CTDSPL2: variants seen among roughly 807,000 people sequenced by gnomAD.
The protein encoded by CTDSPL2 is CTD small phosphatase like 2.
A neutral mutation model predicts 60.0 loss-of-function variants in CTDSPL2; 5 were observed. That is an observed-to-expected ratio of 0.08 (90% CI 0.04 to 0.18). CTDSPL2 has a LOEUF of 0.18. Among genes scored for constraint, CTDSPL2 ranks in the 10% least tolerant of loss-of-function variants. The pLI is 1.00. For missense variants in CTDSPL2, 370 were observed against 548.8 expected, an observed-to-expected ratio of 0.67 and a Z score of 3.26; for synonymous variants, 186 against 189.3, an observed-to-expected ratio of 0.98 and a Z score of 0.14.
At chr15:44,436,374 A>ACTAC (rs2079981863) in intron 1 of CTDSPL2, among the ~76,000 whole-genome samples, 1 of 152,194 alleles carries the variant, frequency 6.6e-6, no homozygotes, top group African/African-American at 2.4e-5. Context: ...TGTTTGTCTT[A>ACTAC]ATGAGGTTGC....
chr15:44,478,157 A>G (rs960133745), intron 2 of CTDSPL2, among the ~76,000 whole-genome samples: 17 of 152,102 alleles, frequency 1.1e-4, no homozygotes, highest in African/African-American at 4.1e-4. Flanking sequence ...CTTGGAAAAG[A>G]TTGGTGGGGC....
intron 1 of CTDSPL2, chr15:44,449,438 T>C (rs560439063): frequency 3.3e-4 from 50 of 152,838 alleles, no homozygotes; most frequent in Admixed American, 2.2e-3. Flanking sequence ...AAGTGATTCT[T>C]GAGCCTCAGC....
chr15:44,434,225 C>A (rs1045623367), intron 1 of CTDSPL2, among the ~76,000 whole-genome samples: 4 of 151,956 alleles, frequency 2.6e-5, no homozygotes, highest in African/African-American at 4.8e-5. Flanking sequence ...CATGGCGAAA[C>A]CCCATCTCTA....
chr15:44,507,364 G>A (rs1387858750), intron 8 of CTDSPL2, among the ~76,000 whole-genome samples: 2 of 152,234 alleles, frequency 1.3e-5, no homozygotes, highest in Non-Finnish European at 2.9e-5. Flanking sequence ...GATTGTAGGC[G>A]TGAGCCACTG....
chr15:44,471,362 A>G (rs115207840), intron 2 of CTDSPL2, among the ~76,000 whole-genome samples: 19 of 152,294 alleles, frequency 1.2e-4, no homozygotes, highest in Non-Finnish European at 2.5e-4. Context: ...CTTTATTGAG[A>G]TATAATTTAT....
rs568380738 is a variant in CTDSPL2 at position 44,524,771 on chromosome 15, C to T, written c.*597C>T. 5.6e-4 allele frequency: 86 copies of T among 152,572 alleles called. No individual in the cohort carries two copies. The highest frequency in any genetic ancestry group is 1.9e-4 in the African/African-American group (8 of 41,480). The allele number at this position is 152,572 out of a possible 1,614,324, so 9.5% of individuals were successfully genotyped here. On this transcript the variant is annotated 3_prime_UTR_variant, in exon 13 of 13. Transcript: ENST00000260327. Reference sequence around the variant, plus strand: ...GTTTTTTATTATACATTTGAATGGCCGTTTTCCTGCTTTGTCTGCCTGCAC... The same window carrying T: ...GTTTTTTATTATACATTTGAATGGCTGTTTTCCTGCTTTGTCTGCCTGCAC...
At chr15:44,472,486 T>G (rs1392051005) in intron 2 of CTDSPL2, among the ~76,000 whole-genome samples, 1 of 152,188 alleles carries the variant, frequency 6.6e-6, no homozygotes, top group Non-Finnish European at 1.5e-5. Context: ...ACATTTTCTT[T>G]AGAGAAATGT....
intron 12 of CTDSPL2, among the ~76,000 whole-genome samples, chr15:44,521,709 C>T (rs193186631): frequency 5.7e-4 from 87 of 151,826 alleles, no homozygotes; most frequent in African/African-American, 2.0e-3. Context: ...GAGGCCGAGG[C>T]GGGCGGATCA....
chr15:44,434,071 G>GTTATTTATTTAT (rs574610723), intron 1 of CTDSPL2, among the ~76,000 whole-genome samples: 13 of 151,398 alleles, frequency 8.6e-5, no homozygotes, highest in African/African-American at 2.9e-4. Context: ...AAAAATCATT[G>GTTATTTATTTAT]TTATTTATTT....
At position 44,528,131 on chromosome 15, in the gene CTDSPL2, TC is replaced by T. The variant is rs1317308535; in HGVS notation, c.*3958del. ...TCTGGGGATATAACATGATTTGAGATCTTTTTTAAAAAAGGGTGGGGCGGCG... is the reference window on the plus strand; with the variant it reads ...TCTGGGGATATAACATGATTTGAGATTTTTTTAAAAAAGGGTGGGGCGGCG... On this transcript the variant is annotated 3_prime_UTR_variant, in exon 13 of 13. Transcript: ENST00000260327. 6.6e-6 allele frequency: 1 copy of T among 152,138 alleles called. No individual in the cohort carries two copies. The highest frequency in any genetic ancestry group is 1.5e-5 in the Non-Finnish European group (1 of 68,004). 9.4% of individuals were successfully genotyped at this position (152,138 alleles called of 1,614,324 possible). A position where few individuals can be genotyped will look rare whatever the true frequency, so the allele number is the denominator to read the frequency against.
At chr15:44,488,685 C>T (rs1472340895) in intron 4 of CTDSPL2, among the ~76,000 whole-genome samples, 1 of 151,908 alleles carries the variant, frequency 6.6e-6, no homozygotes, top group Admixed American at 6.6e-5. Flanking sequence ...CATGGTGGCG[C>T]ACACCCACCT....
At chr15:44,471,229 C>T (rs1437329179) in intron 2 of CTDSPL2, among the ~76,000 whole-genome samples, 1 of 152,128 alleles carries the variant, frequency 6.6e-6, no homozygotes, top group Non-Finnish European at 1.5e-5. Flanking sequence ...GAGTCTACCA[C>T]AATTTGTCTA....
At chr15:44,499,836 T>C in intron 8 of CTDSPL2, 23 bp downstream of exon 8, 1 of 1,430,390 alleles carries the variant, frequency 7.0e-7, no homozygotes, top group East Asian at 2.3e-5. Context: ...TTTTTGATGA[T>C]TTTTGGCCTG....
In CTDSPL2 at chr15:44,490,774, A is replaced by G; in HGVS notation, c.476-10A>G. Reference sequence around the variant, plus strand: ...TTAAATGATGATAGTACACTGAATCATGATTTCAGGAACGTCAGGATCAGA... The same window carrying G: ...TTAAATGATGATAGTACACTGAATCGTGATTTCAGGAACGTCAGGATCAGA... On this transcript the variant is annotated splice_polypyrimidine_tract_variant and intron_variant, in intron 4 of 12. Coordinates refer to ENST00000260327, the MANE Select transcript of CTDSPL2 (RefSeq NM_016396.3). The G allele has an allele frequency of 1.2e-6, 2 of 1,609,290 alleles. No homozygotes were observed. The highest frequency in any genetic ancestry group is 1.1e-5 in the South Asian group (1 of 90,936).
chr15:44,469,480 TTCTC>T (rs2080762154), intron 2 of CTDSPL2, among the ~76,000 whole-genome samples: 1 of 152,210 alleles, frequency 6.6e-6, no homozygotes, highest in Admixed American at 6.5e-5. Context: ...AAGTATTCCT[TTCTC>T]TATATGCCAT....
intron 4 of CTDSPL2, among the ~76,000 whole-genome samples, chr15:44,490,056 A>G (rs968183757): frequency 1.2e-4 from 18 of 152,180 alleles, no homozygotes; most frequent in Admixed American, 8.5e-4. Context: ...AGAATATTGG[A>G]GGTTAATTTT....
chr15:44,428,405 C>T lies in CTDSPL2; in HGVS notation c.-25+633C>T, dbSNP rs114998514. Among the ~76,000 whole-genome samples, 261 of 152,316 alleles carry T rather than the reference C, an allele frequency of 1.7e-3. 1 individual carries two copies. The highest frequency in any genetic ancestry group is 6.1e-3 in the African/African-American group (253 of 41,558). Reference sequence around the variant, plus strand: ...ACCTTATTATCCTTAATATTCTCTGCTTTCTTTGGATTTTAAATGTCTGTA... The same window carrying T: ...ACCTTATTATCCTTAATATTCTCTGTTTTCTTTGGATTTTAAATGTCTGTA... On this transcript the variant is annotated intron_variant, in intron 1 of 12. Coordinates refer to ENST00000260327, the MANE Select transcript of CTDSPL2 (RefSeq NM_016396.3).
In CTDSPL2 at chr15:44,484,263, C is replaced by G; in HGVS notation, c.226C>G (p.Arg76Gly). ...TCCTTCAAAACGGAGTAGAATTGAACGTGATATAGATAACAATTTGATCAC... is the reference window on the plus strand; with the variant it reads ...TCCTTCAAAACGGAGTAGAATTGAAGGTGATATAGATAACAATTTGATCAC... Reference protein sequence around the residue: ...ENPSKRSRIERDIDNNLITST... With the variant: ...ENPSKRSRIEGDIDNNLITST... Residue 76 changes from arginine (R) to glycine (G), a missense_variant, in exon 3 of 13, where the codon CGT (arginine) becomes GGT (glycine). Physicochemically the swap from Arg to Gly is moderately radical, Grantham distance 125. Coordinates refer to ENST00000260327, the MANE Select transcript of CTDSPL2 (RefSeq NM_016396.3). 6.2e-7 allele frequency: 1 copy of G among 1,611,024 alleles called. No homozygotes were observed. The highest frequency in any genetic ancestry group is 8.5e-7 in the Non-Finnish European group (1 of 1,178,136).
intron 2 of CTDSPL2, among the ~76,000 whole-genome samples, chr15:44,464,791 G>T (rs1351037710): frequency 6.6e-6 from 1 of 152,096 alleles, no homozygotes; most frequent in African/African-American, 2.4e-5. Flanking sequence ...ATTGCAACCT[G>T]TCTCCTGGAT....
Sources: gnomAD v4.1 joint callset for allele counts (sites outside exome capture counted in the v4.1 genomes callset) on GRCh38, gnomAD v4.1.1 for gene constraint, MANE v1.5 for transcripts, NCBI Gene and HGNC (gene_info 2026-07-23, HGNC 2026-07-21) for gene names.